ABLIM1: variants seen among roughly 807,000 people sequenced by gnomAD.
The protein encoded by ABLIM1 is actin binding LIM protein 1, also known as actin-binding LIM protein 1.
Under a neutral mutation model 107.0 loss-of-function variants are expected in ABLIM1, and 40 were observed. The ratio of observed to expected loss-of-function variants is 0.37; its 90% CI spans 0.29 to 0.49. The LOEUF (loss-of-function observed/expected upper bound fraction) is 0.49, where lower values mean the gene tolerates loss of function less well. Ranked by LOEUF, ABLIM1 falls within the 20% of genes least tolerant of loss-of-function variation. The pLI is 0.97. For synonymous variants in ABLIM1, 357 were observed against 357.3 expected (o/e 1.00, Z 0.01); for missense variants, 857 against 1,008.5 (o/e 0.85, Z 2.04).
In ABLIM1 at chr10:114,498,557, C is replaced by T. The variant is rs566199336; in HGVS notation, c.895-6679G>A. 2.0e-4 allele frequency among the ~76,000 whole-genome samples: 31 copies of T among 152,240 alleles called. No homozygotes were observed. In the South Asian group the frequency reaches 5.6e-3, roughly 28 times the overall value. On this transcript the variant is annotated intron_variant, in intron 6 of 22. Transcript: ENST00000533213. ...GTCCCTTTTAGTTTCTTTCCTTTACCGCCTCCATTTCTCTAGGAGTGCTCT... is the reference window on the plus strand; with the variant it reads ...GTCCCTTTTAGTTTCTTTCCTTTACTGCCTCCATTTCTCTAGGAGTGCTCT...
Position 114,631,751 on chromosome 10 carries a change from C to T in ABLIM1, c.244+26206G>A, listed in dbSNP as rs59739659. 3 of 744,238 alleles carry T rather than the reference C, an allele frequency of 4.0e-6. No individual in the cohort carries two copies. The Admixed American group carries it at 1.3e-4, about 33-fold the overall frequency. 46.1% of individuals were successfully genotyped at this position (744,238 alleles called of 1,614,324 possible). A position where few individuals can be genotyped will look rare whatever the true frequency, so the allele number is the denominator to read the frequency against. On this transcript the variant is annotated intron_variant, in intron 1 of 22. Coordinates refer to ENST00000533213, the MANE Select transcript of ABLIM1 (RefSeq NM_002313.7). ...AAAGATTCTGAACGAAGTCTGGGTT[C>T]GATGGAAACCCAGACTTCACAATAC... is the stretch of plus-strand genomic sequence containing the variant.
intron 4 of ABLIM1, among the ~76,000 whole-genome samples, chr10:114,565,766 G>A (rs1439587707): frequency 3.5e-5 from 5 of 144,470 alleles, no homozygotes; most frequent in Admixed American, 6.9e-5. Flanking sequence ...ACATGCACGC[G>A]ATGCTTTATC....
chr10:114,571,022 C>T (rs995015837), intron 4 of ABLIM1, among the ~76,000 whole-genome samples: 57 of 152,110 alleles, frequency 3.7e-4, no homozygotes, highest in Non-Finnish European at 7.6e-4. Context: ...GGCTGATGCT[C>T]GTCATCTCCT....
chr10:114,699,516 AGT>A (rs2081266122), intron 1 of ABLIM1, among the ~76,000 whole-genome samples: 1 of 152,128 alleles, frequency 6.6e-6, no homozygotes, highest in Non-Finnish European at 1.5e-5. Flanking sequence ...GAAGACAGAA[AGT>A]GTGGGTAGGA....
At chr10:114,780,707 GCCT>G in the ABLIM1 span, among the ~76,000 whole-genome samples, 1 of 152,070 alleles carries the variant, frequency 6.6e-6, no homozygotes, top group Non-Finnish European at 1.5e-5. Flanking sequence ...CAAACCAACG[GCCT>G]CCTATCAATT....
chr10:114,614,554 T>C (rs962081834), intron 1 of ABLIM1, among the ~76,000 whole-genome samples: 2 of 151,964 alleles, frequency 1.3e-5, no homozygotes, highest in African/African-American at 4.8e-5. Context: ...ACAAGACAGA[T>C]ATAAAAAAAT....
At position 114,441,048 on chromosome 10, in the gene ABLIM1, G is replaced by A; in HGVS notation, c.2028C>T (p.Asn676=). Residue 676 remains asparagine, a synonymous_variant, in exon 19 of 23, where the codon AAC becomes AAT. Transcript: ENST00000533213. ...RPVSTDFAQY[N]SYGDVSGGVR... is the part of the protein sequence containing the mutation. ...CTCCCCCGCTGACATCCCCATAGCT[G>A]TTATACTGAGCGAAGTCGGTAGAAA... 2 of 1,589,610 alleles carry A rather than the reference G, an allele frequency of 1.3e-6. No individual in the cohort carries two copies. The highest frequency in any genetic ancestry group is 1.7e-6 in the Non-Finnish European group (2 of 1,166,890).
At chr10:114,620,200 A>G (rs2077379059) in intron 1 of ABLIM1, among the ~76,000 whole-genome samples, 1 of 152,238 alleles carries the variant, frequency 6.6e-6, no homozygotes, top group Non-Finnish European at 1.5e-5. Flanking sequence ...AAAAGTAGAA[A>G]AGAAACTAGC....
chr10:114,478,933 A>G (rs1228957248), intron 8 of ABLIM1, among the ~76,000 whole-genome samples: 1 of 152,150 alleles, frequency 6.6e-6, no homozygotes, highest in Non-Finnish European at 1.5e-5. Flanking sequence ...ACCTGTCTAT[A>G]TTGAAATAAT....
At chr10:114,630,482 A>G (rs932550005) in intron 1 of ABLIM1, among the ~76,000 whole-genome samples, 1 of 152,224 alleles carries the variant, frequency 6.6e-6, no homozygotes, top group African/African-American at 2.4e-5. Flanking sequence ...AACCAAAGCT[A>G]CAGCATGTGA....
chr10:114,729,093 C>A (rs78972088), intron 1 of ABLIM1, among the ~76,000 whole-genome samples: 1,525 of 152,174 alleles, frequency 0.01, 36 homozygotes, highest in African/African-American at 0.034. Flanking sequence ...ATCTTACATG[C>A]TTTAGCTCTT....
intron 2 of ABLIM1, among the ~76,000 whole-genome samples, chr10:114,582,784 G>T (rs1169876961): frequency 6.6e-6 from 1 of 152,108 alleles, no homozygotes; most frequent in Non-Finnish European, 1.5e-5. Context: ...TTCAATAAAC[G>T]GTGCTGGGAT....
At chr10:114,638,016 C>T (rs944034771) in intron 1 of ABLIM1, among the ~76,000 whole-genome samples, 2 of 152,192 alleles carry the variant, frequency 1.3e-5, no homozygotes, top group African/African-American at 2.4e-5. Flanking sequence ...TTACCACCAC[C>T]AAGTGCTCTG....
upstream of ABLIM1, among the ~76,000 whole-genome samples, chr10:114,686,524 C>A (rs1236339135): frequency 1.3e-5 from 2 of 148,848 alleles, no homozygotes; most frequent in South Asian, 4.3e-4. Context: ...AAAAAAAAAA[C>A]AAAAACAAAA....
intron 1 of ABLIM1, among the ~76,000 whole-genome samples, chr10:114,673,945 A>G (rs556908950): frequency 1.3e-5 from 2 of 152,204 alleles, no homozygotes; most frequent in East Asian, 1.9e-4. Context: ...TAATCAGAGG[A>G]AAAAAAAGTG....
chr10:114,664,674 G>A (rs920677798), intron 1 of ABLIM1, among the ~76,000 whole-genome samples: 2 of 151,528 alleles, frequency 1.3e-5, no homozygotes, highest in Non-Finnish European at 2.9e-5. Context: ...CTCCCAAGTG[G>A]CTGAGATTAC....
At chr10:114,591,775 T>C (rs1269315148) in intron 2 of ABLIM1, among the ~76,000 whole-genome samples, 1 of 75,870 alleles carries the variant, frequency 1.3e-5, no homozygotes, top group Middle Eastern at 8.5e-3. Flanking sequence ...TATTTCAAAC[T>C]TTGGATTTTT....
At chr10:114,491,012 G>GTGTATATATATATATATA in intron 7 of ABLIM1, among the ~76,000 whole-genome samples, 1 of 92,388 alleles carries the variant, frequency 1.1e-5, no homozygotes, top group South Asian at 4.1e-4. Flanking sequence ...GTGTGTGTGT[G>GTGTATATATATATATATA]TATATATATA....
chr10:114,583,476 T>C (rs1305107623), intron 2 of ABLIM1, among the ~76,000 whole-genome samples: 2 of 12,172 alleles, frequency 1.6e-4, no homozygotes, highest in African/African-American at 2.5e-4. Context: ...CACATATATA[T>C]ATATATATAT....
Sources: gnomAD v4.1 joint callset for allele counts (sites outside exome capture counted in the v4.1 genomes callset) on GRCh38, gnomAD v4.1.1 for gene constraint, MANE v1.5 for transcripts, NCBI Gene and HGNC (gene_info 2026-07-23, HGNC 2026-07-21) for gene names.